Variants in FAAH2 observed in about 807,000 individuals in gnomAD.
The protein encoded by FAAH2 is fatty-acid amide hydrolase 2.
Under a neutral mutation model 36.9 loss-of-function variants are expected in FAAH2, and 60 were observed. That is an observed-to-expected ratio of 1.63 (90% CI 1.32 to 2.02). The LOEUF (loss-of-function observed/expected upper bound fraction) is 2.02, where lower values mean the gene tolerates loss of function less well. FAAH2 is among the 30% of genes most tolerant of loss of function. The pLI, the probability that FAAH2 is intolerant of heterozygous loss-of-function variation, is 0.00. For missense variants in FAAH2, 689 were observed against 397.5 expected, an observed-to-expected ratio of 1.73 and a Z score of -6.23; for synonymous variants, 214 against 143.8, an observed-to-expected ratio of 1.49 and a Z score of -3.49.
At chrX:57,135,701 G>C in the FAAH2 span, 2 of 1,116,870 alleles carry the variant, frequency 1.8e-6, no homozygotes, top group East Asian at 6.3e-5. Context: ...GTTAATGCTG[G>C]CAAAGATGTT....
chrX:57,244,512 C>T, the FAAH2 span, among the ~76,000 whole-genome samples: 5 of 111,807 alleles, frequency 4.5e-5, no homozygotes, highest in Non-Finnish European at 3.8e-5. Context: ...TCGGGTTACC[C>T]ACAAGGGAAT....
At chrX:57,314,097 C>G (rs188760425) in intron 3 of FAAH2, among the ~76,000 whole-genome samples, 79 of 111,427 alleles carry the variant, frequency 7.1e-4, no homozygotes, top group African/African-American at 2.4e-3. Context: ...TTCTTTTTAT[C>G]AGATAAAACA....
chrX:57,450,173 C>T (rs1274281096), intron 10 of FAAH2, among the ~76,000 whole-genome samples: 1 of 110,314 alleles, frequency 9.1e-6, no homozygotes, highest in Non-Finnish European at 1.9e-5. Flanking sequence ...CTAGTTTAGC[C>T]TTGAACACAT....
chrX:57,420,120 A>G (rs1332807197), intron 7 of FAAH2, among the ~76,000 whole-genome samples: 2 of 111,809 alleles, frequency 1.8e-5, no homozygotes, highest in Admixed American at 1.9e-4. Context: ...TGGTTACTGT[A>G]GCCTTGTAGT....
At chrX:57,244,581 T>C in the FAAH2 span, among the ~76,000 whole-genome samples, 1 of 111,626 alleles carries the variant, frequency 9.0e-6, no homozygotes, top group Non-Finnish European at 1.9e-5. Flanking sequence ...TATTCAACAT[T>C]CTTAAATAAG....
At chrX:57,183,121 G>C in the FAAH2 span, among the ~76,000 whole-genome samples, 1 of 110,735 alleles carries the variant, frequency 9.0e-6, no homozygotes, top group Non-Finnish European at 1.9e-5. Flanking sequence ...ACAAGGCTTC[G>C]TACCTTGGTA....
intron 3 of FAAH2, among the ~76,000 whole-genome samples, chrX:57,323,268 A>G (rs2053089808): frequency 1.8e-5 from 2 of 111,675 alleles, no homozygotes; most frequent in African/African-American, 6.5e-5. Flanking sequence ...AGTCTTTGCT[A>G]TTGTGAATAG....
chrX:57,271,435 C>T, the FAAH2 span, among the ~76,000 whole-genome samples: 52 of 112,365 alleles, frequency 4.6e-4, no homozygotes, highest in African/African-American at 1.7e-3. Context: ...ACAGCCTCCA[C>T]AAGTGAGTCC....
At chrX:57,401,417 G>A (rs2055432369) in intron 7 of FAAH2, among the ~76,000 whole-genome samples, 1 of 111,461 alleles carries the variant, frequency 9.0e-6, no homozygotes. Context: ...CATCCTTAAG[G>A]TTCAGGACTG....
At chrX:57,444,676 G>T (rs1055835971) in intron 8 of FAAH2, among the ~76,000 whole-genome samples, 10 of 111,475 alleles carry the variant, frequency 9.0e-5, no homozygotes, top group African/African-American at 2.9e-4. Context: ...TGTCGCTCAT[G>T]CTTGGAGCTG....
chrX:57,222,919 C>CCA, the FAAH2 span, among the ~76,000 whole-genome samples: 4 of 111,170 alleles, frequency 3.6e-5, no homozygotes, highest in Admixed American at 1.9e-4. Flanking sequence ...TAGTGTCACC[C>CCA]CACACACACA....
At chrX:57,146,884 C>G in the FAAH2 span, among the ~76,000 whole-genome samples, 2 of 111,650 alleles carry the variant, frequency 1.8e-5, no homozygotes, top group African/African-American at 6.5e-5. Context: ...CTTGCTTATG[C>G]TAAACCATCC....
At chrX:57,427,385 A>T (rs1282522975) in intron 7 of FAAH2, among the ~76,000 whole-genome samples, 1 of 111,614 alleles carries the variant, frequency 9.0e-6, no homozygotes, top group Non-Finnish European at 1.9e-5. Context: ...GATTATTTCT[A>T]TCTCATTCTA....
At chrX:57,175,603 C>A in the FAAH2 span, among the ~76,000 whole-genome samples, 1 of 111,307 alleles carries the variant, frequency 9.0e-6, no homozygotes, top group Non-Finnish European at 1.9e-5. Context: ...CTATTCCAGT[C>A]TTCATGTTGA....
intron 9 of FAAH2, among the ~76,000 whole-genome samples, chrX:57,447,975 A>T (rs1218712626): frequency 8.9e-6 from 1 of 111,853 alleles, no homozygotes; most frequent in Non-Finnish European, 1.9e-5. Context: ...TCAGGCTGCA[A>T]ATTTTCCAAA....
the FAAH2 span, among the ~76,000 whole-genome samples, chrX:57,203,726 C>G: frequency 8.9e-6 from 1 of 112,240 alleles, no homozygotes; most frequent in Non-Finnish European, 1.9e-5. Context: ...AATCCATCTG[C>G]AGCTCCTTTA....
intron 5 of FAAH2, among the ~76,000 whole-genome samples, chrX:57,369,516 C>T (rs2054499679): frequency 9.0e-6 from 1 of 111,658 alleles, no homozygotes; most frequent in East Asian, 2.8e-4. Flanking sequence ...TGACTGACAG[C>T]AGATTTATCA....
chrX:57,217,958 C>T, the FAAH2 span, among the ~76,000 whole-genome samples: 1 of 111,535 alleles, frequency 9.0e-6, no homozygotes, highest in Admixed American at 9.5e-5. Flanking sequence ...TGATTTCTTT[C>T]AGCAGTGTTT....
At chrX:57,150,939 C>G in the FAAH2 span, among the ~76,000 whole-genome samples, 10 of 112,021 alleles carry the variant, frequency 8.9e-5, no homozygotes, top group African/African-American at 3.2e-4. Flanking sequence ...TTCAGGAGCT[C>G]TTTTAGGGCA....
Sources: allele counts gnomAD v4.1 joint callset (sites outside exome capture counted in the v4.1 genomes callset), GRCh38; gene constraint gnomAD v4.1.1; transcripts MANE v1.5; gene names NCBI Gene and HGNC (gene_info 2026-07-23, HGNC 2026-07-21).